The following HDGFL3 variants were observed in gnomAD, a reference collection of about 807,000 sequenced individuals.
HDGFL3 encodes hepatoma-derived growth factor-related protein 3.
HDGFL3 carries 6 observed loss-of-function variants against 27.6 expected under a neutral mutation model. The observed-to-expected ratio is 0.22, with a 90% CI of 0.12 to 0.43. The LOEUF (loss-of-function observed/expected upper bound fraction) is 0.43. HDGFL3 is among the 20% of genes least tolerant of loss of function. The pLI, the probability that HDGFL3 is intolerant of heterozygous loss-of-function variation, is 1.00. For synonymous variants in HDGFL3, 88 were observed against 88.9 expected (o/e 0.99, Z 0.05); for missense variants, 207 against 250.1 (o/e 0.83, Z 1.16).
intron 5 of HDGFL3, chr15:83,144,769 C>T: frequency 2.9e-6 from 1 of 342,846 alleles, no homozygotes. Context: ...GCAAGAGACC[C>T]AGAGCCAGAG....
chr15:83,121,908 G>T (rs767276870), intron 3 of HDGFL3: 4 of 1,584,110 alleles, frequency 2.5e-6, no homozygotes, highest in East Asian at 4.5e-5. Context: ...TTTTTTTGTT[G>T]TTGTTGTTAC....
At position 83,157,511 on chromosome 15, in the gene HDGFL3, G is replaced by A. The variant is rs1567168965; in HGVS notation, c.363C>T (p.Ser121=). 3.7e-6 allele frequency: 6 copies of A among 1,613,248 alleles called. No individual in the cohort carries two copies. Among genetic ancestry groups the A allele is most frequent in the Non-Finnish European group, 5.1e-6 (6 of 1,179,374 alleles). ...EGEGGNTADA[S]SEEEGDRVEE... ...CTACTCTATCACCTTCTTCCTCACT[G>A]CTTGCATCTGCAGTATTTCCACCTT... is the stretch of plus-strand genomic sequence containing the variant. The change falls in exon 4 of 6, where the codon AGC becomes AGT. Residue 121 remains serine (S), a synonymous_variant. Transcript: ENST00000299633.
chr15:83,150,591 G>A (rs2036951586), intron 5 of HDGFL3, among the ~76,000 whole-genome samples: 1 of 152,270 alleles, frequency 6.6e-6, no homozygotes, highest in East Asian at 1.9e-4. Context: ...ATTTGACATT[G>A]TCTAACTAGT....
chr15:83,157,985 C>T lies in HDGFL3; in HGVS notation c.218G>A (p.Gly73Glu). The change falls in exon 3 of 6, where the codon GGA (glycine) becomes GAA (glutamate). Residue 73 changes from glycine to glutamate, a missense_variant. Coordinates refer to ENST00000299633, the MANE Select transcript of HDGFL3 (RefSeq NM_016073.4). Reference sequence around the variant, plus strand: ...AAATCCTTTCCGTTTGTTTGACTTTCCAAACTTGTCTTTGTACTCCTTATA... The same window carrying T: ...AAATCCTTTCCGTTTGTTTGACTTTTCAAACTTGTCTTTGTACTCCTTATA... ...FPYKEYKDKF[G>E]KSNKRKGFNE... 1 of 1,612,344 alleles carries T rather than the reference C, an allele frequency of 6.2e-7. No homozygotes were observed. Among genetic ancestry groups the T allele is most frequent in the Non-Finnish European group, 8.5e-7 (1 of 1,178,700 alleles).
At chr15:83,200,091 C>G (rs2037623542) in intron 1 of HDGFL3, among the ~76,000 whole-genome samples, 1 of 146,256 alleles carries the variant, frequency 6.8e-6, no homozygotes, top group African/African-American at 2.6e-5. Context: ...CACCTGTAAT[C>G]CCAGCACTTT....
rs990443310 is a variant in HDGFL3 at position 83,133,807 on chromosome 15, A to G, written c.*5463T>C. ...GGGAAGAGAAACCTCCTCAGGTGAG[A>G]CTGTTTTTCTGAACTTCAGAACCCT... is the stretch of plus-strand genomic sequence containing the variant. On this transcript the variant is annotated 3_prime_UTR_variant, in exon 6 of 6. Transcript: ENST00000299633. The G allele has an allele frequency of 6.6e-6, 1 of 152,190 alleles. No individual in the cohort carries two copies. The highest frequency in any genetic ancestry group is 2.4e-5 in the African/African-American group (1 of 41,440). 9.4% of individuals were successfully genotyped at this position (152,190 alleles called of 1,614,324 possible). A position where few individuals can be genotyped will look rare whatever the true frequency, so the allele number is the denominator to read the frequency against.
intron 1 of HDGFL3, among the ~76,000 whole-genome samples, chr15:83,171,333 G>A (rs1010560137): frequency 6.6e-6 from 1 of 152,130 alleles, no homozygotes; most frequent in South Asian, 2.1e-4. Context: ...AAGCAGTTTG[G>A]AGATTTCTCA....
chr15:83,155,220 A>C (rs1243419237), intron 4 of HDGFL3, among the ~76,000 whole-genome samples: 1 of 152,234 alleles, frequency 6.6e-6, no homozygotes, highest in Non-Finnish European at 1.5e-5. Flanking sequence ...AAAGGAAATG[A>C]TCCCTTAATT....
rs1422121174 is a variant in HDGFL3, at chr15:83,133,432, C to A, written c.*5838G>T. On this transcript the variant is annotated 3_prime_UTR_variant, in exon 6 of 6. Coordinates refer to ENST00000299633, the MANE Select transcript of HDGFL3 (RefSeq NM_016073.4). ...TAAGAAAACAGCTCTTAAAATTTAA[C>A]CTTTGTTCACCTTATTGTCTCATTT... is the stretch of plus-strand genomic sequence containing the variant. 2.0e-5 allele frequency: 3 copies of A among 152,268 alleles called. No homozygotes were observed. Among genetic ancestry groups the A allele is most frequent in the Non-Finnish European group, 2.9e-5 (2 of 68,032 alleles). The allele number at this position is 152,268 out of a possible 1,614,324, so 9.4% of individuals were successfully genotyped here. A position where few individuals can be genotyped will look rare whatever the true frequency, so the allele number is the denominator to read the frequency against.
rs2036160899 is a variant in HDGFL3 at position 83,130,583 on chromosome 15, A to G, written c.*8687T>C. On this transcript the variant is annotated 3_prime_UTR_variant, in exon 6 of 6. Transcript: ENST00000299633. ...CCCAGCAGGTGAAGACAGACTGAGTAAAGAATTATGGGTCTGATTCCCACA... is the reference window on the plus strand; with the variant it reads ...CCCAGCAGGTGAAGACAGACTGAGTGAAGAATTATGGGTCTGATTCCCACA... 1.3e-5 allele frequency: 2 copies of G among 152,240 alleles called. No homozygotes were observed. Among genetic ancestry groups the G allele is most frequent in the African/African-American group, 4.8e-5 (2 of 41,466 alleles). 9.4% of individuals were successfully genotyped at this position (152,240 alleles called of 1,614,324 possible). A position where few individuals can be genotyped will look rare whatever the true frequency, so the allele number is the denominator to read the frequency against.
intron 1 of HDGFL3, among the ~76,000 whole-genome samples, chr15:83,165,794 C>CAAAAAAAAAAAAAAAAA (rs57873221): frequency 7.2e-5 from 1 of 13,848 alleles, no homozygotes; most frequent in African/African-American, 1.8e-4. Context: ...GAATCCATCT[C>CAAAAAAAAAAAAAAAAA]AAAAAAAAAA....
At chr15:83,117,366 G>A (rs992668266) in intron 3 of HDGFL3, among the ~76,000 whole-genome samples, 3 of 152,110 alleles carry the variant, frequency 2.0e-5, no homozygotes, top group African/African-American at 4.8e-5. Flanking sequence ...AGAGAGTCAC[G>A]GGCCATCGGA....
At chr15:83,151,543 T>C (rs754189559) in intron 4 of HDGFL3, among the ~76,000 whole-genome samples, 182 bp from the exon 5 acceptor site, 10 of 152,214 alleles carry the variant, frequency 6.6e-5, no homozygotes, top group African/African-American at 1.4e-4. Flanking sequence ...TTTCACCTCA[T>C]TGGACCTCAG....
At chr15:83,143,008 T>TG (rs2036810607) in intron 5 of HDGFL3, among the ~76,000 whole-genome samples, 1 of 152,040 alleles carries the variant, frequency 6.6e-6, no homozygotes, top group Non-Finnish European at 1.5e-5. Flanking sequence ...CAAAGCTCTT[T>TG]GGGGCCCTTA....
At chr15:83,166,078 C>T (rs2037168423) in intron 1 of HDGFL3, among the ~76,000 whole-genome samples, 1 of 152,008 alleles carries the variant, frequency 6.6e-6, no homozygotes, top group East Asian at 1.9e-4. Flanking sequence ...AAGAAATAGA[C>T]ATCCAGATGC....
intron 1 of HDGFL3, among the ~76,000 whole-genome samples, chr15:83,170,711 C>CTGA (rs1175973210): frequency 6.6e-6 from 1 of 152,008 alleles, no homozygotes; most frequent in East Asian, 1.9e-4. Context: ...CAAACAAAAA[C>CTGA]TGACCAGTGA....
rs1294727264 is a variant in HDGFL3 at position 83,129,328 on chromosome 15, A to C, written c.*9942T>G. Reference sequence around the variant, plus strand: ...ATACTCAGAGTAGCTTAACACAATTAAAATTTTAATTCTTTTTTATGCAAA... The same window carrying C: ...ATACTCAGAGTAGCTTAACACAATTCAAATTTTAATTCTTTTTTATGCAAA... On this transcript the variant is annotated 3_prime_UTR_variant, in exon 6 of 6. Transcript: ENST00000299633. 6.6e-6 allele frequency: 1 copy of C among 152,224 alleles called. No individual in the cohort carries two copies. The highest frequency in any genetic ancestry group is 2.4e-5 in the African/African-American group (1 of 41,456). 9.4% of individuals were successfully genotyped at this position (152,224 alleles called of 1,614,324 possible).
chr15:83,156,382 A>AC (rs2037029423), intron 4 of HDGFL3, among the ~76,000 whole-genome samples: 1 of 151,920 alleles, frequency 6.6e-6, no homozygotes, highest in African/African-American at 2.4e-5. Context: ...ACTGTGTGCT[A>AC]CCCCCACTCT....
At chr15:83,145,861 C>CT (rs1182072065) in intron 5 of HDGFL3, among the ~76,000 whole-genome samples, 151 of 66,878 alleles carry the variant, frequency 2.3e-3, no homozygotes, top group African/African-American at 5.9e-3. Context: ...TTTGTTCTTT[C>CT]TTTTTTTTTT....
Sources: gnomAD v4.1 joint callset for allele counts (sites outside exome capture counted in the v4.1 genomes callset) on GRCh38, gnomAD v4.1.1 for gene constraint, MANE v1.5 for transcripts, NCBI Gene and HGNC (gene_info 2026-07-23, HGNC 2026-07-21) for gene names.